ANKIB1: variants seen among roughly 807,000 people sequenced by gnomAD.
ANKIB1 encodes the protein ankyrin repeat and IBR domain containing 1, also known as ankyrin repeat and IBR domain-containing protein 1.
Under a neutral mutation model 122.1 loss-of-function variants are expected in ANKIB1, and 43 were observed. The ratio of observed to expected loss-of-function variants is 0.35; its 90% CI spans 0.28 to 0.45. ANKIB1 has a LOEUF of 0.45. ANKIB1 is among the 20% of genes least tolerant of loss of function. The pLI, the probability that ANKIB1 is intolerant of heterozygous loss-of-function variation, is 1.00. For synonymous variants in ANKIB1, 390 were observed against 442.0 expected (o/e 0.88, Z 1.48); for missense variants, 992 against 1,329.5 (o/e 0.75, Z 3.95).
chr7:92,350,838 T>C (rs1009388783), intron 7 of ANKIB1, 112 bp from the exon 8 acceptor site: 9 of 1,067,298 alleles, frequency 8.4e-6, no homozygotes, highest in Non-Finnish European at 1.0e-5. Context: ...ACCTGAGTGA[T>C]GGAATGAGAC....
chr7:92,318,997 A>G (rs1802850226), intron 3 of ANKIB1, among the ~76,000 whole-genome samples: 1 of 152,212 alleles, frequency 6.6e-6, no homozygotes, highest in Admixed American at 6.5e-5. Context: ...TTAAAAATTT[A>G]AAGTACTGAG....
Position 92,253,953 on chromosome 7 carries a change from T to C in ANKIB1, c.-91+7434T>C, listed in dbSNP as rs1392386671. Among the ~76,000 whole-genome samples the C allele has an allele frequency of 2.0e-5, 3 of 152,184 alleles. No individual in the cohort carries two copies. In the East Asian group the frequency reaches 5.8e-4, roughly 29 times the overall value. The stretch of plus-strand genomic sequence containing the variant: ...TGTGACTTACTTTGACGAACAAATA[T>C]GATAGAAGTGATCTATGAGTTCAGG... On this transcript the variant is annotated intron_variant, in intron 1 of 19. Coordinates refer to ENST00000265742, the MANE Select transcript of ANKIB1 (RefSeq NM_019004.2).
chr7:92,382,234 TAAAA>T (rs1020583623), intron 11 of ANKIB1, among the ~76,000 whole-genome samples: 7 of 152,036 alleles, frequency 4.6e-5, no homozygotes, highest in Non-Finnish European at 7.4e-5. Context: ...CCCAGATTCA[TAAAA>T]AAAGTCCTGA....
intron 1 of ANKIB1, among the ~76,000 whole-genome samples, chr7:92,291,565 T>C: frequency 6.8e-6 from 1 of 147,716 alleles, no homozygotes; most frequent in Non-Finnish European, 1.5e-5. Context: ...ATTTTTCTTT[T>C]TCTTTTTTTT....
chr7:92,398,063 GA>G (rs755793012), intron 19 of ANKIB1, 148 bp from the exon 20 acceptor site: 11 of 1,078,836 alleles, frequency 1.0e-5, no homozygotes, highest in Non-Finnish European at 1.4e-5. Context: ...TGGGCATGGA[GA>G]AAAATACAAG....
At chr7:92,253,266 A>G (rs901687324) in intron 1 of ANKIB1, among the ~76,000 whole-genome samples, 2 of 152,114 alleles carry the variant, frequency 1.3e-5, no homozygotes, top group Non-Finnish European at 2.9e-5. Context: ...TCATTTCCCC[A>G]GTTGTTTTAT....
intron 9 of ANKIB1, among the ~76,000 whole-genome samples, chr7:92,361,469 C>T (rs1803943482): frequency 6.6e-6 from 1 of 152,142 alleles, no homozygotes; most frequent in African/African-American, 2.4e-5. Flanking sequence ...ATCTGTAAAT[C>T]ACATGGGGCC....
At chr7:92,325,045 A>G (rs1802999118) in intron 4 of ANKIB1, among the ~76,000 whole-genome samples, 1 of 152,220 alleles carries the variant, frequency 6.6e-6, no homozygotes, top group Admixed American at 6.5e-5. Context: ...ATGGCTAGGA[A>G]GAGTGTGTGT....
intron 17 of ANKIB1, 46 bp downstream of exon 17, chr7:92,392,338 A>C (rs1249127989): frequency 6.5e-7 from 1 of 1,530,988 alleles, no homozygotes; most frequent in Non-Finnish European, 9.0e-7. Flanking sequence ...TTCTTAGTGC[A>C]GTCGTGCTTG....
intron 1 of ANKIB1, among the ~76,000 whole-genome samples, chr7:92,269,942 G>A (rs1801750614): frequency 6.6e-6 from 1 of 151,432 alleles, no homozygotes; most frequent in Non-Finnish European, 1.5e-5. Context: ...GCTATCCCTC[G>A]CCAATCCCCC....
At chr7:92,269,408 T>C (rs1218207533) in intron 1 of ANKIB1, among the ~76,000 whole-genome samples, 1 of 152,244 alleles carries the variant, frequency 6.6e-6, no homozygotes, top group Non-Finnish European at 1.5e-5. Flanking sequence ...TGTGATTTGT[T>C]CTTTCAAGAG....
At chr7:92,321,561 A>G (rs1404992802) in intron 4 of ANKIB1, among the ~76,000 whole-genome samples, 1 of 152,184 alleles carries the variant, frequency 6.6e-6, no homozygotes, top group Non-Finnish European at 1.5e-5. Flanking sequence ...AGGCATCCAT[A>G]GATATTTCTT....
At chr7:92,379,475 A>G (rs536319312) in intron 11 of ANKIB1, among the ~76,000 whole-genome samples, 2 of 152,324 alleles carry the variant, frequency 1.3e-5, no homozygotes, top group South Asian at 4.1e-4. Flanking sequence ...AAGGGGAACT[A>G]GCCTTGTCAA....
chr7:92,324,362 T>G (rs1184953097), intron 4 of ANKIB1, among the ~76,000 whole-genome samples: 1 of 152,120 alleles, frequency 6.6e-6, no homozygotes, highest in African/African-American at 2.4e-5. Context: ...GCCTCCCAAG[T>G]AGCTGGGATT....
intron 1 of ANKIB1, among the ~76,000 whole-genome samples, chr7:92,289,122 A>G (rs979318341): frequency 2.0e-5 from 3 of 152,242 alleles, no homozygotes; most frequent in African/African-American, 7.2e-5. Flanking sequence ...GTTGTCCTTC[A>G]ATAAGTGAAT....
At chr7:92,277,037 C>T (rs1801919652) in intron 1 of ANKIB1, among the ~76,000 whole-genome samples, 1 of 152,068 alleles carries the variant, frequency 6.6e-6, no homozygotes, top group Non-Finnish European at 1.5e-5. Flanking sequence ...AGCACCTTCC[C>T]CCTTGCTCTT....
intron 1 of ANKIB1, among the ~76,000 whole-genome samples, chr7:92,280,162 A>G (rs1801987224): frequency 6.6e-6 from 1 of 152,204 alleles, no homozygotes; most frequent in South Asian, 2.1e-4. Flanking sequence ...AGCTTTCCTG[A>G]TTGGGATGAT....
At chr7:92,389,385 G>A (rs920696786) in intron 14 of ANKIB1, among the ~76,000 whole-genome samples, 7 of 151,200 alleles carry the variant, frequency 4.6e-5, no homozygotes, top group African/African-American at 1.7e-4. Flanking sequence ...TTATAATGAT[G>A]TTCTTAAAAC....
intron 7 of ANKIB1, among the ~76,000 whole-genome samples, chr7:92,346,106 A>G (rs1432411685): frequency 6.6e-6 from 1 of 151,800 alleles, no homozygotes; most frequent in Non-Finnish European, 1.5e-5. Flanking sequence ...ATTTGTAGGC[A>G]ACTGCTGAGC....
Sources: gnomAD v4.1 joint callset for allele counts (sites outside exome capture counted in the v4.1 genomes callset) on GRCh38, gnomAD v4.1.1 for gene constraint, MANE v1.5 for transcripts, NCBI Gene and HGNC (gene_info 2026-07-23, HGNC 2026-07-21) for gene names.